APPL1: variants seen among roughly 807,000 people sequenced by gnomAD.
APPL1 encodes the protein DCC-interacting protein 13-alpha.
Under a neutral mutation model 106.8 loss-of-function variants are expected in APPL1, and 42 were observed. The ratio of observed to expected loss-of-function variants is 0.39; its 90% CI spans 0.31 to 0.51. The LOEUF (loss-of-function observed/expected upper bound fraction) is 0.51. Ranked by LOEUF, APPL1 falls within the 20% of genes least tolerant of loss-of-function variation. APPL1 has a pLI of 0.75. For synonymous variants in APPL1, 263 were observed against 281.8 expected (o/e 0.93, Z 0.67); for missense variants, 769 against 858.2 (o/e 0.90, Z 1.30).
intron 7 of APPL1, among the ~76,000 whole-genome samples, chr3:57,245,424 T>G (rs1476382715): frequency 1.3e-5 from 2 of 152,308 alleles, no homozygotes; most frequent in African/African-American, 4.8e-5. Flanking sequence ...AGTCAAAGAC[T>G]AATGACTAAG....
intron 11 of APPL1, among the ~76,000 whole-genome samples, chr3:57,250,037 A>G (rs2060794952): frequency 6.6e-6 from 1 of 152,234 alleles, no homozygotes; most frequent in African/African-American, 2.4e-5. Flanking sequence ...ATGTAATGTG[A>G]CTGACATATA....
At chr3:57,230,389 C>T (rs956595320) in intron 1 of APPL1, among the ~76,000 whole-genome samples, 5 of 151,910 alleles carry the variant, frequency 3.3e-5, no homozygotes, top group African/African-American at 7.2e-5. Flanking sequence ...ACACAATTAC[C>T]TGTTGGTTAC....
chr3:57,231,868 C>A (rs1450159022), intron 1 of APPL1, among the ~76,000 whole-genome samples: 1 of 151,470 alleles, frequency 6.6e-6, no homozygotes, highest in Non-Finnish European at 1.5e-5. Flanking sequence ...TTACAGTTAC[C>A]CTTCTTTTAG....
chr3:57,259,207 C>T, intron 16 of APPL1, 127 bp downstream of exon 16: 2 of 720,276 alleles, frequency 2.8e-6, no homozygotes, highest in Non-Finnish European at 4.5e-6. Flanking sequence ...AGAATTTCCT[C>T]TACTTACTTA....
chr3:57,230,171 G>C (rs940546784), intron 1 of APPL1, among the ~76,000 whole-genome samples: 2 of 152,234 alleles, frequency 1.3e-5, no homozygotes, highest in Non-Finnish European at 2.9e-5. Context: ...GGTCGAACCT[G>C]TGGCAGAATG....
At chr3:57,248,872 A>G (rs2060788559) in intron 10 of APPL1, among the ~76,000 whole-genome samples, 1 of 152,178 alleles carries the variant, frequency 6.6e-6, no homozygotes, top group Non-Finnish European at 1.5e-5. Context: ...TCTGTCTCAA[A>G]AAAAAAAATG....
chr3:57,267,656 A>G, intron 19 of APPL1, 86 bp from the exon 20 acceptor site: 1 of 1,135,668 alleles, frequency 8.8e-7, no homozygotes, highest in Admixed American at 1.7e-5. Context: ...TAGTTATAAA[A>G]CTAGTTCCAT....
intron 5 of APPL1, among the ~76,000 whole-genome samples, chr3:57,241,674 TC>T (rs2060747344): frequency 1.3e-5 from 2 of 152,182 alleles, no homozygotes; most frequent in Admixed American, 6.6e-5. Flanking sequence ...TCAAGAATGG[TC>T]ATTTCTAAGG....
chr3:57,263,828 T>A (rs150513885), intron 19 of APPL1, among the ~76,000 whole-genome samples: 2 of 152,254 alleles, frequency 1.3e-5, no homozygotes, highest in East Asian at 3.9e-4. Flanking sequence ...TTTTAACTAT[T>A]GTGAACCGAG....
intron 12 of APPL1, 65 bp downstream of exon 12, chr3:57,252,376 A>G (rs888646437): frequency 8.5e-7 from 1 of 1,181,696 alleles, no homozygotes; most frequent in South Asian, 1.4e-5. Flanking sequence ...GACAAAACAT[A>G]TATTAATGTG....
intron 21 of APPL1, chr3:57,268,701 T>A (rs1194139167): frequency 2.9e-6 from 1 of 341,024 alleles, no homozygotes; most frequent in Non-Finnish European, 5.0e-6. Context: ...TATGACTGTT[T>A]CAAAAATATA....
In APPL1 at chr3:57,257,016, C is replaced by T; in HGVS notation, c.1212C>T (p.Phe404=). ...ALEAVTPSPS[F]QQRHESLRPA... is the part of the protein sequence containing the mutation. ...AAGCTGTCACTCCTTCCCCATCTTT[C>T]CAGCAGAGGCACGAGAGCCTGCGGC... The change falls in exon 14 of 22, where the codon TTC becomes TTT. Residue 404 remains phenylalanine (F), a synonymous_variant. Transcript: ENST00000288266. 1 of 1,614,192 alleles carries T rather than the reference C, an allele frequency of 6.2e-7. No individual in the cohort carries two copies. The highest frequency in any genetic ancestry group is 1.1e-5 in the South Asian group (1 of 91,086).
At chr3:57,259,372 G>A (rs1426230633) in intron 16 of APPL1, among the ~76,000 whole-genome samples, 1 of 152,084 alleles carries the variant, frequency 6.6e-6, no homozygotes, top group Non-Finnish European at 1.5e-5. Flanking sequence ...TCTGGTACTG[G>A]AGCATAAATT....
At chr3:57,269,112 A>T (rs2107613895) in intron 21 of APPL1, 1 of 159,628 alleles carries the variant, frequency 6.3e-6, no homozygotes, top group Middle Eastern at 3.2e-3. Context: ...GATGACATTG[A>T]AGTGAGGCTT....
At chr3:57,233,165 T>TA (rs1056079681) in intron 1 of APPL1, among the ~76,000 whole-genome samples, 6 of 152,178 alleles carry the variant, frequency 3.9e-5, no homozygotes, top group Admixed American at 3.9e-4. Flanking sequence ...AAATATAAGG[T>TA]AAAAAATTCA....
rs1317925966 is a variant in APPL1, at chr3:57,235,582, G to T, written c.71G>T (p.Gly24Val). 6.2e-7 allele frequency: 1 copy of T among 1,609,124 alleles called. No homozygotes were observed. Among genetic ancestry groups the T allele is most frequent in the Non-Finnish European group, 8.5e-7 (1 of 1,176,078 alleles). ...TTTATACAGACAAGGTCTTTACTAGGTGTATTTGAAGAAGATGCCACAGCT... is the reference window on the plus strand; with the variant it reads ...TTTATACAGACAAGGTCTTTACTAGTTGTATTTGAAGAAGATGCCACAGCT... The part of the protein sequence containing the change: ...EDSPQTRSLL[G>V]VFEEDATAIS... The change falls in exon 2 of 22, where the codon GGT becomes GTT. Residue 24 changes from glycine to valine, a missense_variant. Transcript: ENST00000288266.
rs1427391985 is a variant in APPL1, at chr3:57,235,524, G to A, written c.55-42G>A. 2.3e-6 allele frequency: 3 copies of A among 1,289,824 alleles called. No individual in the cohort carries two copies. The South Asian group carries it at 4.1e-5, about 17-fold the overall frequency. 79.9% of individuals were successfully genotyped at this position (1,289,824 alleles called of 1,614,324 possible). ...GAAAAAATATTTTTCCATCTGATTTGTATAATGATTAACATAAACTTATTG... is the reference window on the plus strand; with the variant it reads ...GAAAAAATATTTTTCCATCTGATTTATATAATGATTAACATAAACTTATTG... On this transcript the variant is annotated intron_variant, in intron 1 of 21. Transcript: ENST00000288266.
intron 19 of APPL1, among the ~76,000 whole-genome samples, chr3:57,260,977 G>A (rs1241787245): frequency 2.0e-5 from 3 of 152,140 alleles, no homozygotes; most frequent in African/African-American, 7.2e-5. Flanking sequence ...TATTTAGGGT[G>A]TCCATCATCC....
rs1167052066 is a variant in APPL1, at chr3:57,273,161, T to A, written c.*3474T>A. On this transcript the variant is annotated 3_prime_UTR_variant, in exon 22 of 22. Transcript: ENST00000288266. Reference sequence around the variant, plus strand: ...AGTTAATATGAGACTGGGGGTTAAGTTGTAACTAATATGCAAAATTGCTTT... The same window carrying A: ...AGTTAATATGAGACTGGGGGTTAAGATGTAACTAATATGCAAAATTGCTTT... The A allele has an allele frequency of 1.3e-5, 2 of 152,646 alleles. No homozygotes were observed. Among genetic ancestry groups the A allele is most frequent in the African/African-American group, 4.8e-5 (2 of 41,466 alleles). The allele number at this position is 152,646 out of a possible 1,614,324, so 9.5% of individuals were successfully genotyped here.
Sources: allele counts gnomAD v4.1 joint callset (sites outside exome capture counted in the v4.1 genomes callset), GRCh38; gene constraint gnomAD v4.1.1; transcripts MANE v1.5; gene names NCBI Gene and HGNC (gene_info 2026-07-23, HGNC 2026-07-21).